The following RIMS3 variants were observed in gnomAD, a reference collection of about 807,000 sequenced individuals.
RIMS3 encodes regulating synaptic membrane exocytosis protein 3.
Under a neutral mutation model 29.2 loss-of-function variants are expected in RIMS3, and 15 were observed. The observed-to-expected ratio is 0.51, with a 90% CI of 0.34 to 0.79. The LOEUF is 0.79. Among genes scored for constraint, RIMS3 ranks in the 30% least tolerant of loss-of-function variants. The pLI, the probability that RIMS3 is intolerant of heterozygous loss-of-function variation, is 0.01. For synonymous variants in RIMS3, 161 were observed against 170.1 expected, an observed-to-expected ratio of 0.95 and a Z score of 0.41; for missense variants, 342 against 421.4, an observed-to-expected ratio of 0.81 and a Z score of 1.65.
At chr1:40,644,501 GAGAC>G (rs1440980589) in intron 2 of RIMS3, among the ~76,000 whole-genome samples, 2 of 152,220 alleles carry the variant, frequency 1.3e-5, no homozygotes, top group Non-Finnish European at 2.9e-5. Context: ...GTCCAAGACG[GAGAC>G]AGACAGTAAG....
intron 1 of RIMS3, among the ~76,000 whole-genome samples, chr1:40,660,146 G>C (rs1292075261): frequency 6.6e-6 from 1 of 152,146 alleles, no homozygotes; most frequent in Non-Finnish European, 1.5e-5. Context: ...GGCTTGCTGA[G>C]GACTGGTTAT....
chr1:40,666,287 C>T (rs2148366749), upstream of RIMS3, among the ~76,000 whole-genome samples: 2 of 152,296 alleles, frequency 1.3e-5, no homozygotes, highest in Middle Eastern at 6.8e-3. Context: ...TTTTGCCCCC[C>T]AGGGAACATT....
chr1:40,680,267 C>T, the RIMS3 span, among the ~76,000 whole-genome samples: 1 of 151,916 alleles, frequency 6.6e-6, no homozygotes, highest in Admixed American at 6.6e-5. Context: ...AAAGTTCTTT[C>T]CCATTGTCAC....
chr1:40,628,287 A>G (rs1005090140), intron 7 of RIMS3, among the ~76,000 whole-genome samples: 1 of 152,190 alleles, frequency 6.6e-6, no homozygotes, highest in Non-Finnish European at 1.5e-5. Context: ...CCTCCCTCCC[A>G]GGACTGTTGA....
At chr1:40,644,848 C>T (rs182699223) in intron 2 of RIMS3, among the ~76,000 whole-genome samples, 1 of 152,172 alleles carries the variant, frequency 6.6e-6, no homozygotes, top group African/African-American at 2.4e-5. Flanking sequence ...ACCCTGGGCC[C>T]CCGGGCCTGG....
chr1:40,691,100 T>C, the RIMS3 span: 5 of 152,316 alleles, frequency 3.3e-5, no homozygotes, highest in African/African-American at 9.6e-5. Context: ...ATGCTCATAG[T>C]AGCTGTGGTT....
chr1:40,680,700 C>T, the RIMS3 span, among the ~76,000 whole-genome samples: 1 of 152,130 alleles, frequency 6.6e-6, no homozygotes, highest in Non-Finnish European at 1.5e-5. Flanking sequence ...AAAAAAGTTT[C>T]ATAGTAATTT....
Position 40,641,933 on chromosome 1 carries a change from G to A in RIMS3, c.-8C>T, listed in dbSNP as rs774570839. ...TGGCTCCCCGTTAAACATGGTCCCC[G>A]GGGTGGCAGGGCCTCAGGCAGCTCT... On this transcript the variant is annotated 5_prime_UTR_variant, in exon 3 of 8. Transcript: ENST00000372684. 21 of 1,611,270 alleles carry A rather than the reference G, an allele frequency of 1.3e-5. No homozygotes were observed. Among genetic ancestry groups the A allele is most frequent in the Admixed American group, 1.0e-4 (6 of 59,978 alleles).
At chr1:40,629,445 G>T in intron 5 of RIMS3, 73 bp from the exon 6 acceptor site, 2 of 1,222,244 alleles carry the variant, frequency 1.6e-6, no homozygotes, top group Non-Finnish European at 2.4e-6. Context: ...TGTACTGAAT[G>T]CCAGCCTGTG....
chr1:40,650,863 C>CAAAAAAAAAAA (rs58578342), intron 1 of RIMS3, among the ~76,000 whole-genome samples: 1 of 64,554 alleles, frequency 1.5e-5, no homozygotes, highest in African/African-American at 7.6e-5. Context: ...CAGACTCTGT[C>CAAAAAAAAAAA]AAAAAAAAAA....
Position 40,636,038 on chromosome 1 carries a change from C to T in RIMS3, c.237G>A (p.Leu79=), listed in dbSNP as rs972796947. Reference sequence around the variant, plus strand: ...CCGTGCTCCGGCGGATGTTGCTGCGCAGCTTCTTGGTGGCCCCTTCTGTGA... The same window carrying T: ...CCGTGCTCCGGCGGATGTTGCTGCGTAGCTTCTTGGTGGCCCCTTCTGTGA... ...LPQPEGATKK[L]RSNIRRSTET... The change falls in exon 4 of 8, where the codon CTG becomes CTA. Residue 79 remains leucine (L), a synonymous_variant. Transcript: ENST00000372684. The surrounding 1 kb of genome is among the most constrained non-coding windows in gnomAD (Gnocchi z 4.2). 1 of 1,604,864 alleles carries T rather than the reference C, an allele frequency of 6.2e-7. No individual in the cohort carries two copies. The highest frequency in any genetic ancestry group is 1.7e-5 in the Admixed American group (1 of 60,024).
intron 1 of RIMS3, among the ~76,000 whole-genome samples, chr1:40,663,074 G>C (rs1349139927): frequency 2.0e-5 from 3 of 152,124 alleles, no homozygotes; most frequent in African/African-American, 7.2e-5. Context: ...TGAGGTCAGT[G>C]ATATACCAGT....
the RIMS3 span, among the ~76,000 whole-genome samples, chr1:40,679,042 A>G: frequency 1.3e-5 from 2 of 152,234 alleles, no homozygotes; most frequent in Non-Finnish European, 2.9e-5. Flanking sequence ...GCTAGACCCC[A>G]AAGTGCACTT....
intron 1 of RIMS3, among the ~76,000 whole-genome samples, chr1:40,657,817 G>C (rs1180733079): frequency 1.3e-5 from 2 of 151,840 alleles, no homozygotes; most frequent in East Asian, 3.9e-4. Flanking sequence ...CTTCTTGGGA[G>C]GATCATTTGA....
chr1:40,670,446 CTGAG>C (rs1642477606), upstream of RIMS3, among the ~76,000 whole-genome samples: 1 of 151,460 alleles, frequency 6.6e-6, no homozygotes, highest in African/African-American at 2.4e-5. Context: ...AGTTGCTTCT[CTGAG>C]TTTCTGTTTC....
chr1:40,675,878 T>C, the RIMS3 span, among the ~76,000 whole-genome samples: 1 of 151,432 alleles, frequency 6.6e-6, no homozygotes, highest in Non-Finnish European at 1.5e-5. Flanking sequence ...CAGTGAGTGA[T>C]GATCGTGGCA....
At chr1:40,687,233 T>G in the RIMS3 span, among the ~76,000 whole-genome samples, 1 of 152,138 alleles carries the variant, frequency 6.6e-6, no homozygotes, top group African/African-American at 2.4e-5. Context: ...AATTTCAGTA[T>G]GGGATAATGA....
At chr1:40,628,411 C>T (rs144957815) in intron 7 of RIMS3, among the ~76,000 whole-genome samples, 19 of 152,340 alleles carry the variant, frequency 1.2e-4, no homozygotes, top group Non-Finnish European at 2.2e-4. Context: ...GTAAGAGACT[C>T]GGTTTCCGTA....
At chr1:40,678,564 C>T in the RIMS3 span, among the ~76,000 whole-genome samples, 1 of 152,232 alleles carries the variant, frequency 6.6e-6, no homozygotes, top group East Asian at 1.9e-4. Flanking sequence ...TTCCAGAGCC[C>T]ATCCCTCTCA....
Sources: allele counts gnomAD v4.1 joint callset (sites outside exome capture counted in the v4.1 genomes callset), GRCh38; gene constraint gnomAD v4.1.1; non-coding constraint Gnocchi (gnomAD v3.1); transcripts MANE v1.5; gene names NCBI Gene and HGNC (gene_info 2026-07-23, HGNC 2026-07-21).